Variants in SLC7A7 observed in about 807,000 individuals in gnomAD.
SLC7A7 encodes Y+L amino acid transporter 1.
A neutral mutation model predicts 47.9 loss-of-function variants in SLC7A7; 39 were observed. The observed-to-expected ratio is 0.81, with a 90% confidence interval of 0.63 to 1.06. The LOEUF is 1.06. Among genes scored for constraint, SLC7A7 ranks in the 50% least tolerant of loss-of-function variants. SLC7A7 has a pLI of 0.00. For synonymous variants in SLC7A7, 234 were observed against 242.8 expected, an observed-to-expected ratio of 0.96 and a Z score of 0.34; for missense variants, 588 against 632.0, an observed-to-expected ratio of 0.93 and a Z score of 0.75.
intron 2 of SLC7A7, among the ~76,000 whole-genome samples, chr14:22,812,628 A>T (rs1594984513): frequency 1.6e-5 from 2 of 123,798 alleles, no homozygotes; most frequent in African/African-American, 3.2e-5. Flanking sequence ...AGAGCAAAAT[A>T]CCTGTCTCTT....
intron 2 of SLC7A7, among the ~76,000 whole-genome samples, chr14:22,782,787 G>T (rs2038743766): frequency 6.6e-6 from 1 of 151,056 alleles, no homozygotes; most frequent in African/African-American, 2.4e-5. Flanking sequence ...TTGGAGATGG[G>T]GATCTCACTC....
Position 22,789,390 on chromosome 14 carries a change from G to A in SLC7A7, c.500-9339C>T, listed in dbSNP as rs1034594054. 2.6e-5 allele frequency among the ~76,000 whole-genome samples: 4 copies of A among 152,212 alleles called. No individual in the cohort carries two copies. In the South Asian group the frequency reaches 6.2e-4, roughly 24 times the overall value. Reference sequence around the variant, plus strand: ...TCCCAGCACTTTAGGAGGCCAAGGCGGGCAGATCACCTGAGGTCAGGAATT... The same window carrying A: ...TCCCAGCACTTTAGGAGGCCAAGGCAGGCAGATCACCTGAGGTCAGGAATT... On this transcript the variant is annotated intron_variant, in intron 2 of 9. Transcript: ENST00000674313.
At chr14:22,788,573 G>A (rs571656544) in intron 2 of SLC7A7, among the ~76,000 whole-genome samples, 52 of 151,694 alleles carry the variant, frequency 3.4e-4, no homozygotes, top group Non-Finnish European at 5.4e-4. Flanking sequence ...GCGTGGTGGC[G>A]GGCACCTGTC....
chr14:22,775,396 A>G lies in SLC7A7; in HGVS notation c.1095+48T>C, dbSNP rs758005257. 6 of 1,457,582 alleles carry G rather than the reference A, an allele frequency of 4.1e-6. No homozygotes were observed. The East Asian group carries it at 1.1e-4, about 27-fold the overall frequency. The allele number at this position is 1,457,582 out of a possible 1,614,324, so 90.3% of individuals were successfully genotyped here. ...GAACAGTCGCTTCTGCTGTTACTAA[A>G]GTTTCCCCCGCAATCTGGCTTTCAG... On this transcript the variant is annotated intron_variant, in intron 7 of 9. Coordinates refer to ENST00000674313, the MANE Select transcript of SLC7A7 (RefSeq NM_003982.4).
rs187996448 is a variant in SLC7A7, at chr14:22,788,500, T to G, written c.500-8449A>C. ...CGGGCAGATCACAAAGTCAGGAGTT[T>G]GAGATCAGCCTGGCCAACATGGTGA... On this transcript the variant is annotated intron_variant, in intron 2 of 9. Coordinates refer to ENST00000674313, the MANE Select transcript of SLC7A7 (RefSeq NM_003982.4). Among the ~76,000 whole-genome samples, 38 of 151,950 alleles carry G rather than the reference T, an allele frequency of 2.5e-4. No homozygotes were observed. The South Asian group carries it at 4.2e-3, about 17-fold the overall frequency.
chr14:22,780,188 A>C lies in SLC7A7; in HGVS notation c.500-137T>G, dbSNP rs1169533881. On this transcript the variant is annotated intron_variant, in intron 2 of 9. Coordinates refer to ENST00000674313, the MANE Select transcript of SLC7A7 (RefSeq NM_003982.4). ...AGACAGACCCTCTGACCTGCTCTGC[A>C]CTGGAACCCTCGGGGCCCCAGAATG... The C allele has an allele frequency of 5.6e-6, 7 of 1,258,528 alleles. No individual in the cohort carries two copies. In the Admixed American group the frequency reaches 1.3e-4, roughly 24 times the overall value. The allele number at this position is 1,258,528 out of a possible 1,614,324, so 78.0% of individuals were successfully genotyped here. A position where few individuals can be genotyped will look rare whatever the true frequency, so the allele number is the denominator to read the frequency against.
At chr14:22,792,814 C>G (rs1420221645) in intron 2 of SLC7A7, among the ~76,000 whole-genome samples, 1 of 139,536 alleles carries the variant, frequency 7.2e-6, no homozygotes, top group African/African-American at 2.6e-5. Flanking sequence ...GCCGAGATTG[C>G]ACCACTGCAC....
chr14:22,792,027 G>A (rs2038932806), intron 2 of SLC7A7, among the ~76,000 whole-genome samples: 1 of 151,930 alleles, frequency 6.6e-6, no homozygotes, highest in Non-Finnish European at 1.5e-5. Flanking sequence ...AGTACAGACG[G>A]GGTTTCACCA....
chr14:22,796,953 G>C (rs1222674132), intron 2 of SLC7A7, among the ~76,000 whole-genome samples: 1 of 152,182 alleles, frequency 6.6e-6, no homozygotes, highest in African/African-American at 2.4e-5. Context: ...GGAAGGTAAA[G>C]CTTTTAGAAA....
At chr14:22,774,240 A>G in intron 8 of SLC7A7, 114 bp downstream of exon 8, 2 of 1,591,686 alleles carry the variant, frequency 1.3e-6, no homozygotes, top group South Asian at 1.1e-5. Flanking sequence ...TCAACACATT[A>G]CTAACGACCA....
Position 22,776,216 on chromosome 14 carries a change from C to A in SLC7A7, c.873G>T (p.Leu291Phe). The A allele has an allele frequency of 6.2e-7, 1 of 1,614,168 alleles. No individual in the cohort carries two copies. The highest frequency in any genetic ancestry group is 8.5e-7 in the Non-Finnish European group (1 of 1,180,040). Residue 291 changes from leucine (L) to phenylalanine (F), a missense_variant, in exon 5 of 10, where the codon TTG becomes TTT. Leu to Phe is a conservative substitution (Grantham distance 22). Transcript: ENST00000674313. ...YYTVLDMRDILASDAVAVTFA... is the reference protein window; with the variant it reads ...YYTVLDMRDIFASDAVAVTFA... ...TTACCACAGCAACAGCATCACTGGC[C>A]AAGATGTCTCTCATGTCTAGCACAG... is the stretch of plus-strand genomic sequence containing the variant.
intron 2 of SLC7A7, among the ~76,000 whole-genome samples, chr14:22,787,436 A>AAAATAAATAAATAAATAAAT (rs34759644): frequency 5.6e-4 from 83 of 148,278 alleles, no homozygotes; most frequent in African/African-American, 2.0e-3. Flanking sequence ...ACTCCGTCTC[A>AAAATAAATAAATAAATAAAT]AAATAAATAA....
intron 2 of SLC7A7, among the ~76,000 whole-genome samples, chr14:22,795,076 C>CTTTTTTTT (rs3076435): frequency 1.1e-4 from 11 of 97,602 alleles, no homozygotes; most frequent in African/African-American, 4.0e-4. Context: ...TTCTTTCTTT[C>CTTTTTTTT]TTTTTTTTTT....
intron 2 of SLC7A7, among the ~76,000 whole-genome samples, chr14:22,788,066 T>C (rs1446578655): frequency 2.0e-5 from 3 of 151,576 alleles, no homozygotes; most frequent in South Asian, 2.1e-4. Context: ...GAGCGAGAGT[T>C]CGTCTCAAAA....
intron 2 of SLC7A7, among the ~76,000 whole-genome samples, chr14:22,805,133 C>T (rs1356410936): frequency 1.3e-5 from 2 of 151,676 alleles, no homozygotes; most frequent in Non-Finnish European, 2.9e-5. Context: ...TTTGGGAGGC[C>T]AAGGCAGGTG....
rs1221063158 is a variant in SLC7A7 at position 22,773,635 on chromosome 14, T to A, written c.1511A>T (p.Lys504Met). 1 of 1,614,186 alleles carries A rather than the reference T, an allele frequency of 6.2e-7. No individual in the cohort carries two copies. Among genetic ancestry groups the A allele is most frequent in the Admixed American group, 1.7e-5 (1 of 60,018 alleles). Residue 504 changes from lysine to methionine, a missense_variant, in exon 10 of 10, where the codon AAG (lysine) becomes ATG (methionine). Physicochemically the swap from Lys to Met is moderately conservative, Grantham distance 95. Coordinates refer to ENST00000674313, the MANE Select transcript of SLC7A7 (RefSeq NM_003982.4). ...TTAGTTAGATTTGGGATCCCGTTGC[T>A]TGGGCATCTCTCCTCCATCTTCCAA... is the stretch of plus-strand genomic sequence containing the variant. ...MDLEDGGEMP[K>M]QRDPKSN
chr14:22,792,620 G>A (rs2038942212), intron 2 of SLC7A7, among the ~76,000 whole-genome samples: 1 of 152,118 alleles, frequency 6.6e-6, no homozygotes, highest in Non-Finnish European at 1.5e-5. Flanking sequence ...ATTTTGGGAA[G>A]CCGAAGTGGG....
intron 7 of SLC7A7, among the ~76,000 whole-genome samples, chr14:22,774,853 A>G (rs1375268673): frequency 6.6e-6 from 1 of 152,114 alleles, no homozygotes; most frequent in Non-Finnish European, 1.5e-5. Flanking sequence ...AAAATCCAAA[A>G]TGCTCCAATG....
Position 22,774,408 on chromosome 14 carries a change from A to G in SLC7A7, c.1191T>C (p.Ile397=), listed in dbSNP as rs753225466. 1.2e-6 allele frequency: 2 copies of G among 1,614,130 alleles called. No homozygotes were observed. Among genetic ancestry groups the G allele is most frequent in the Non-Finnish European group, 1.7e-6 (2 of 1,180,034 alleles). The change falls in exon 8 of 10, where the codon ATT becomes ATC. Residue 397 remains isoleucine, a synonymous_variant. Coordinates refer to ENST00000674313, the MANE Select transcript of SLC7A7 (RefSeq NM_003982.4). ...FSYWFFVGLS[I]VGQLYLRWKE... ...TCCAGCGCAGATAAAGCTGACCCACAATAGAAAGCCCCACAAAGAACCAGT... is the reference window on the plus strand; with the variant it reads ...TCCAGCGCAGATAAAGCTGACCCACGATAGAAAGCCCCACAAAGAACCAGT...
Sources: allele counts gnomAD v4.1 joint callset (sites outside exome capture counted in the v4.1 genomes callset), GRCh38; gene constraint gnomAD v4.1.1; transcripts MANE v1.5; gene names NCBI Gene and HGNC (gene_info 2026-07-23, HGNC 2026-07-21).